EPHA6: variants seen among roughly 807,000 people sequenced by gnomAD.
EPHA6 encodes the protein ephrin type-A receptor 6.
Under a neutral mutation model 112.0 loss-of-function variants are expected in EPHA6, and 50 were observed. The observed-to-expected ratio is 0.45, with a 90% CI of 0.36 to 0.56. The LOEUF (loss-of-function observed/expected upper bound fraction) is 0.56, where lower values mean the gene tolerates loss of function less well. EPHA6 is among the 20% of genes least tolerant of loss of function. EPHA6 has a pLI of 0.00. For missense variants in EPHA6, 1,280 were observed against 1,417.4 expected (o/e 0.90, Z 1.56); for synonymous variants, 529 against 490.7 (o/e 1.08, Z -1.03).
intron 9 of EPHA6, among the ~76,000 whole-genome samples, chr3:97,481,771 T>C (rs976628982): frequency 6.6e-6 from 1 of 151,094 alleles, no homozygotes; most frequent in Non-Finnish European, 1.5e-5. Flanking sequence ...AGAACTGATA[T>C]CTGGCATGGG....
intron 10 of EPHA6, among the ~76,000 whole-genome samples, chr3:97,486,144 A>G (rs568567138): frequency 6.6e-6 from 1 of 152,304 alleles, no homozygotes; most frequent in Admixed American, 6.5e-5. Context: ...CTGTCCCTGA[A>G]CTCTAATAAG....
intron 2 of EPHA6, among the ~76,000 whole-genome samples, chr3:96,985,223 A>G (rs368831227): frequency 6.6e-6 from 1 of 152,144 alleles, no homozygotes; most frequent in Non-Finnish European, 1.5e-5. Flanking sequence ...TTACTCCTAT[A>G]TGGGAGAGTA....
intron 14 of EPHA6, among the ~76,000 whole-genome samples, chr3:97,677,948 G>C (rs141605039): frequency 3.3e-5 from 5 of 152,042 alleles, no homozygotes; most frequent in Non-Finnish European, 7.4e-5. Context: ...ACATTAATTC[G>C]TATTAATGTT....
chr3:97,532,429 A>G lies in EPHA6; in HGVS notation c.2272A>G (p.Thr758Ala). The G allele has an allele frequency of 6.2e-7, 1 of 1,612,694 alleles. No individual in the cohort carries two copies. Among genetic ancestry groups the G allele is most frequent in the Non-Finnish European group, 8.5e-7 (1 of 1,179,002 alleles). The change falls in exon 11 of 18, where the codon ACT (threonine) becomes GCT (alanine). Residue 758 changes from threonine to alanine, a missense_variant. Coordinates refer to ENST00000389672, the MANE Select transcript of EPHA6 (RefSeq NM_001080448.3). ...GKREIPVAIK[T>A]LKGGHMDRQR... ...AAGAGAGATCCCAGTTGCCATTAAA[A>G]CTTTGAAAGGTGGCCACATGGATCG...
chr3:97,149,015 T>A (rs2076107563), intron 3 of EPHA6, among the ~76,000 whole-genome samples: 1 of 152,104 alleles, frequency 6.6e-6, no homozygotes, highest in Non-Finnish European at 1.5e-5. Context: ...GTTCTTTTCA[T>A]TTTTATCTCA....
At chr3:97,302,805 C>A (rs2081148179) in intron 5 of EPHA6, among the ~76,000 whole-genome samples, 2 of 151,692 alleles carry the variant, frequency 1.3e-5, no homozygotes, top group Non-Finnish European at 2.9e-5. Context: ...CTAGAATTTT[C>A]TATATTCAAT....
At chr3:97,604,579 A>G (rs1484284534) in intron 12 of EPHA6, among the ~76,000 whole-genome samples, 1 of 151,764 alleles carries the variant, frequency 6.6e-6, no homozygotes, top group Non-Finnish European at 1.5e-5. Context: ...AGGAAAGGAA[A>G]GTAGATGGAC....
intron 13 of EPHA6, among the ~76,000 whole-genome samples, chr3:97,615,598 G>A (rs1430320052): frequency 2.0e-5 from 3 of 152,106 alleles, no homozygotes; most frequent in African/African-American, 7.2e-5. Flanking sequence ...GGAGGGGCAG[G>A]CCTCCATCTT....
At chr3:97,671,089 TC>T (rs1249475420) in intron 14 of EPHA6, among the ~76,000 whole-genome samples, 1 of 152,170 alleles carries the variant, frequency 6.6e-6, no homozygotes, top group East Asian at 1.9e-4. Flanking sequence ...TTAGTGTATC[TC>T]CTAGAGTCTC....
chr3:97,412,769 A>G (rs537084379), intron 6 of EPHA6, among the ~76,000 whole-genome samples: 7 of 152,198 alleles, frequency 4.6e-5, no homozygotes, highest in African/African-American at 1.7e-4. Context: ...GAGAAAAAAT[A>G]TAAAGCTATT....
At chr3:97,289,370 C>T (rs1284877223) in intron 5 of EPHA6, among the ~76,000 whole-genome samples, 3 of 152,116 alleles carry the variant, frequency 2.0e-5, no homozygotes, top group African/African-American at 7.2e-5. Flanking sequence ...GTATTGAGTT[C>T]ATCAAAGAAC....
At chr3:97,372,003 C>T (rs538009738) in intron 5 of EPHA6, among the ~76,000 whole-genome samples, 11 of 152,108 alleles carry the variant, frequency 7.2e-5, no homozygotes, top group South Asian at 2.1e-4. Flanking sequence ...AATGTGTGTC[C>T]GAAACTTCAT....
In EPHA6 at chr3:97,087,297, G is replaced by A. The variant is rs571057738; in HGVS notation, c.1114+99304G>A. 2.4e-4 allele frequency among the ~76,000 whole-genome samples: 37 copies of A among 152,144 alleles called. No homozygotes were observed. The South Asian group carries it at 7.5e-3, about 31-fold the overall frequency. The stretch of plus-strand genomic sequence containing the variant: ...GGGATGTTGTGTCTAGACTTCTGAT[G>A]GGGGTGTGTGTCTCAAGACTGAACC... On this transcript the variant is annotated intron_variant, in intron 3 of 17. Coordinates refer to ENST00000389672, the MANE Select transcript of EPHA6 (RefSeq NM_001080448.3).
intron 2 of EPHA6, among the ~76,000 whole-genome samples, chr3:96,887,278 G>T (rs1575928655): frequency 6.6e-6 from 1 of 152,124 alleles, no homozygotes; most frequent in East Asian, 1.9e-4. Context: ...GTCCCATGGG[G>T]TGTTCCCTTG....
At chr3:97,579,635 A>T (rs569900948) in intron 11 of EPHA6, among the ~76,000 whole-genome samples, 2 of 152,196 alleles carry the variant, frequency 1.3e-5, no homozygotes, top group Non-Finnish European at 2.9e-5. Context: ...AGACAATAAG[A>T]CTGCACCATT....
chr3:97,208,542 TC>T (rs1285070943), intron 3 of EPHA6, among the ~76,000 whole-genome samples: 1 of 152,030 alleles, frequency 6.6e-6, no homozygotes, highest in Non-Finnish European at 1.5e-5. Flanking sequence ...GCTCAGGAGT[TC>T]AAGACCAGCT....
At chr3:97,269,419 A>G (rs1002911150) in intron 5 of EPHA6, among the ~76,000 whole-genome samples, 12 of 152,178 alleles carry the variant, frequency 7.9e-5, no homozygotes, top group Non-Finnish European at 1.2e-4. Flanking sequence ...TTTAACATGC[A>G]TATGAATCAC....
At chr3:97,141,440 A>G (rs1052556607) in intron 3 of EPHA6, among the ~76,000 whole-genome samples, 1 of 152,058 alleles carries the variant, frequency 6.6e-6, no homozygotes, top group Non-Finnish European at 1.5e-5. Context: ...TCATAAAGCA[A>G]GCCTCAATAA....
intron 3 of EPHA6, among the ~76,000 whole-genome samples, chr3:97,129,300 C>A (rs969966415): frequency 4.0e-5 from 6 of 151,898 alleles, no homozygotes; most frequent in African/African-American, 1.5e-4. Context: ...GAGATCGAGA[C>A]CATCCTGGCT....
Sources: gnomAD v4.1 joint callset for allele counts (sites outside exome capture counted in the v4.1 genomes callset) on GRCh38, gnomAD v4.1.1 for gene constraint, MANE v1.5 for transcripts, NCBI Gene and HGNC (gene_info 2026-07-23, HGNC 2026-07-21) for gene names.